The following TEKT5 variants were observed in gnomAD, a reference collection of about 807,000 sequenced individuals.
TEKT5 encodes the protein tektin 5, also known as tektin-5.
TEKT5 carries 52 observed loss-of-function variants against 48.7 expected under a neutral mutation model. The ratio of observed to expected loss-of-function variants is 1.07; its 90% confidence interval spans 0.86 to 1.35. The LOEUF (loss-of-function observed/expected upper bound fraction) is 1.35, where lower values mean the gene tolerates loss of function less well. TEKT5 is among the 40% of genes most tolerant of loss of function. The pLI is 0.00. For missense variants in TEKT5, 831 were observed against 641.6 expected (o/e 1.30, Z -3.19); for synonymous variants, 318 against 267.6 (o/e 1.19, Z -1.84).
chr16:10,674,496 G>A (rs1898607277), intron 5 of TEKT5, among the ~76,000 whole-genome samples: 1 of 151,674 alleles, frequency 6.6e-6, no homozygotes, highest in African/African-American at 2.4e-5. Context: ...CTAGCCAGGT[G>A]TGGTGGCACG....
chr16:10,632,808 C>T (rs940657445), intron 6 of TEKT5, among the ~76,000 whole-genome samples: 6 of 151,544 alleles, frequency 4.0e-5, no homozygotes, highest in Non-Finnish European at 8.8e-5. Context: ...TGAATCCTAT[C>T]ATCTGCTCAA....
chr16:10,653,984 TTGTG>T (rs1277958054), intron 5 of TEKT5, among the ~76,000 whole-genome samples: 6 of 151,570 alleles, frequency 4.0e-5, no homozygotes, highest in African/African-American at 7.3e-5. Flanking sequence ...CTAAGTAAAA[TTGTG>T]TGTGTGTGAA....
chr16:10,630,850 C>T (rs890094034), intron 6 of TEKT5, among the ~76,000 whole-genome samples: 1 of 151,894 alleles, frequency 6.6e-6, no homozygotes, highest in African/African-American at 2.4e-5. Flanking sequence ...GGCAAAATGC[C>T]GTCTCCACTA....
At chr16:10,652,451 A>AAC (rs572277672) in intron 5 of TEKT5, among the ~76,000 whole-genome samples, 10,842 of 66,536 alleles carry the variant, frequency 0.16, 1,068 homozygotes, top group South Asian at 0.21. Context: ...TACACAGGCA[A>AAC]ACACACACAC....
At position 10,694,541 on chromosome 16, in the gene TEKT5, C is replaced by A. The variant is rs1335297998; in HGVS notation, c.333G>T (p.Trp111Cys). Reference protein sequence around the residue: ...QVRGAEASRLWASRLTDDSMR... With the variant: ...QVRGAEASRLCASRLTDDSMR... ...TGGAGTCATCCGTCAGCCGGCTGGCCCACAGCCGGGAGGCCTCGGCCCCAC... is the reference window on the plus strand; with the variant it reads ...TGGAGTCATCCGTCAGCCGGCTGGCACACAGCCGGGAGGCCTCGGCCCCAC... The change falls in exon 1 of 7, where the codon TGG becomes TGT. Residue 111 changes from tryptophan to cysteine, a missense_variant. Physicochemically the swap from Trp to Cys is radical, Grantham distance 215. Transcript: ENST00000283025. 5 of 1,606,706 alleles carry A rather than the reference C, an allele frequency of 3.1e-6. No homozygotes were observed. In the South Asian group the frequency reaches 5.6e-5, roughly 18 times the overall value.
At chr16:10,640,115 T>C (rs1352729821) in intron 5 of TEKT5, among the ~76,000 whole-genome samples, 3 of 142,196 alleles carry the variant, frequency 2.1e-5, no homozygotes, top group African/African-American at 5.7e-5. Flanking sequence ...CCTCCCGTCT[T>C]CCTCCTCCCC....
At chr16:10,683,782 G>T in intron 3 of TEKT5, among the ~76,000 whole-genome samples, 1 of 152,134 alleles carries the variant, frequency 6.6e-6, no homozygotes, top group East Asian at 1.9e-4. Flanking sequence ...TAGTAGAGAT[G>T]GGGTTTCATC....
chr16:10,650,468 T>C (rs935121083), intron 5 of TEKT5, among the ~76,000 whole-genome samples: 1 of 152,120 alleles, frequency 6.6e-6, no homozygotes, highest in East Asian at 1.9e-4. Context: ...AACCTATCGA[T>C]GACTCACACC....
At chr16:10,690,724 G>A (rs2142316751) in intron 1 of TEKT5, 2 of 985,430 alleles carry the variant, frequency 2.0e-6, no homozygotes, top group Non-Finnish European at 2.4e-6. Context: ...GGGCAGAGCA[G>A]AAGAGAGGAC....
chr16:10,675,655 C>T (rs1596414917), intron 5 of TEKT5, among the ~76,000 whole-genome samples: 1 of 152,140 alleles, frequency 6.6e-6, no homozygotes, highest in East Asian at 1.9e-4. Context: ...TCTCTGCACT[C>T]GCGCTCGGCC....
chr16:10,630,571 T>C (rs905004014), intron 6 of TEKT5, among the ~76,000 whole-genome samples: 3 of 152,200 alleles, frequency 2.0e-5, no homozygotes, highest in African/African-American at 7.2e-5. Context: ...AGGGAAAGTA[T>C]GTTGCAGCAG....
chr16:10,656,758 T>G (rs974590766), intron 5 of TEKT5, among the ~76,000 whole-genome samples: 9 of 152,124 alleles, frequency 5.9e-5, no homozygotes, highest in Non-Finnish European at 1.3e-4. Context: ...GTTTTGTTTT[T>G]GAAACAGGGT....
chr16:10,663,559 G>A (rs1348098628), intron 5 of TEKT5, among the ~76,000 whole-genome samples: 3 of 152,198 alleles, frequency 2.0e-5, no homozygotes, highest in Non-Finnish European at 4.4e-5. Context: ...GGAGCAAGGA[G>A]AGAGAGAAAG....
intron 5 of TEKT5, 129 bp from the exon 6 acceptor site, chr16:10,636,047 TGAGCA>T: frequency 7.1e-7 from 1 of 1,406,974 alleles, no homozygotes; most frequent in Non-Finnish European, 9.6e-7. Flanking sequence ...TCCCCGGCCT[TGAGCA>T]CCTTTAGGGC....
At chr16:10,636,800 T>C (rs115720637) in intron 5 of TEKT5, among the ~76,000 whole-genome samples, 3,948 of 150,012 alleles carry the variant, frequency 0.026, 186 homozygotes, top group African/African-American at 0.092. Context: ...TCTGGATCTG[T>C]ATGTATTTTC....
intron 3 of TEKT5, among the ~76,000 whole-genome samples, chr16:10,688,584 A>C (rs1898906881): frequency 6.6e-6 from 1 of 152,220 alleles, no homozygotes; most frequent in African/African-American, 2.4e-5. Flanking sequence ...GTGCCCTGAA[A>C]GAGTCAAAGG....
At chr16:10,676,688 T>A (rs1186019806) in intron 4 of TEKT5, among the ~76,000 whole-genome samples, 1 of 152,198 alleles carries the variant, frequency 6.6e-6, no homozygotes, top group African/African-American at 2.4e-5. Context: ...GCGATGGGAA[T>A]GTGGCCACGC....
intron 5 of TEKT5, among the ~76,000 whole-genome samples, chr16:10,656,701 G>C (rs868329518): frequency 6.6e-6 from 1 of 152,204 alleles, no homozygotes; most frequent in Non-Finnish European, 1.5e-5. Context: ...AGGTTATACT[G>C]ATCTCTCTAG....
At chr16:10,636,983 A>ATTTTTTT (rs71404408) in intron 5 of TEKT5, among the ~76,000 whole-genome samples, 4 of 123,770 alleles carry the variant, frequency 3.2e-5, no homozygotes, top group African/African-American at 1.3e-4. Flanking sequence ...CACCTGGCTG[A>ATTTTTTT]TTTTTTTTTT....
Sources: gnomAD v4.1 joint callset for allele counts (sites outside exome capture counted in the v4.1 genomes callset) on GRCh38, gnomAD v4.1.1 for gene constraint, MANE v1.5 for transcripts, NCBI Gene and HGNC (gene_info 2026-07-23, HGNC 2026-07-21) for gene names.